GIGYF2: variants seen among roughly 807,000 people sequenced by gnomAD.
The protein encoded by GIGYF2 is GRB10-interacting GYF protein 2.
Under a neutral mutation model 208.1 loss-of-function variants are expected in GIGYF2, and 25 were observed. That is an observed-to-expected ratio of 0.12 (90% CI 0.09 to 0.17). The LOEUF (loss-of-function observed/expected upper bound fraction) is 0.17, where lower values mean the gene tolerates loss of function less well. Among genes scored for constraint, GIGYF2 ranks in the 10% least tolerant of loss-of-function variants. The pLI, the probability that GIGYF2 is intolerant of heterozygous loss-of-function variation, is 1.00. For missense variants in GIGYF2, 1,302 were observed against 1,579.4 expected, an observed-to-expected ratio of 0.82 and a Z score of 2.98; for synonymous variants, 534 against 543.8, an observed-to-expected ratio of 0.98 and a Z score of 0.25.
At chr2:232,731,996 A>G (rs1697520782) in intron 2 of GIGYF2, among the ~76,000 whole-genome samples, 1 of 152,246 alleles carries the variant, frequency 6.6e-6, no homozygotes, top group Non-Finnish European at 1.5e-5. Context: ...TTGTTAAGAT[A>G]GTCGTAAGAT....
intron 2 of GIGYF2, among the ~76,000 whole-genome samples, chr2:232,708,861 C>T (rs909517998): frequency 6.7e-6 from 1 of 148,910 alleles, no homozygotes; most frequent in African/African-American, 2.5e-5. Flanking sequence ...GTGGCTCACA[C>T]CTGTAATCCC....
At chr2:232,767,837 A>T in intron 8 of GIGYF2, 1 of 267,812 alleles carries the variant, frequency 3.7e-6, no homozygotes, top group Admixed American at 5.1e-5. Flanking sequence ...GATGAAAATG[A>T]GAGATTAATG....
intron 28 of GIGYF2, 93 bp downstream of exon 28, chr2:232,850,502 A>T (rs1319912591): frequency 8.4e-7 from 1 of 1,186,262 alleles, no homozygotes; most frequent in Admixed American, 1.9e-5. Context: ...GTTTTTCAAG[A>T]AGGGAAATAT....
In GIGYF2 at chr2:232,781,287, TACACAC is replaced by T. The variant is rs3062047; in HGVS notation, c.533-5833_533-5828del. On this transcript the variant is annotated intron_variant, in intron 8 of 28. Transcript: ENST00000373563. ...TATTTATTTTAAATTATATCAGGAA[TACACAC>T]ACACACACACACACACACACACACA... 4.7e-4 allele frequency among the ~76,000 whole-genome samples: 60 copies of T among 127,122 alleles called. No individual in the cohort carries two copies. The South Asian group carries it at 7.6e-3, about 16-fold the overall frequency. The allele number at this position is 127,122 out of a possible 152,430, so 83.4% of individuals were successfully genotyped here. A position where few individuals can be genotyped will look rare whatever the true frequency, so the allele number is the denominator to read the frequency against.
chr2:232,742,467 G>A (rs1194527144), intron 3 of GIGYF2, among the ~76,000 whole-genome samples: 6 of 152,164 alleles, frequency 3.9e-5, no homozygotes, highest in African/African-American at 1.4e-4. Flanking sequence ...CTTAAACCTG[G>A]GAGGTGGAGG....
At chr2:232,709,012 C>T (rs550637389) in intron 2 of GIGYF2, among the ~76,000 whole-genome samples, 2 of 152,012 alleles carry the variant, frequency 1.3e-5, no homozygotes, top group Non-Finnish European at 2.9e-5. Flanking sequence ...ATCCCAGCTA[C>T]GCGGGAGGCT....
At chr2:232,824,201 A>G (rs1328936654) in intron 21 of GIGYF2, among the ~76,000 whole-genome samples, 1 of 152,182 alleles carries the variant, frequency 6.6e-6, no homozygotes, top group Non-Finnish European at 1.5e-5. Flanking sequence ...AATGGCCTCT[A>G]AGGGTTCAAG....
At position 232,738,788 on chromosome 2, in the gene GIGYF2, A is replaced by C. The variant is rs1275773940; in HGVS notation, c.41+3550A>C. Among the ~76,000 whole-genome samples the C allele has an allele frequency of 2.0e-5, 3 of 152,254 alleles. No homozygotes were observed. In the East Asian group the frequency reaches 5.8e-4, roughly 29 times the overall value. On this transcript the variant is annotated intron_variant, in intron 3 of 28. Transcript: ENST00000373563. ...ATCACTGATCATTTTATTTGGATTA[A>C]TTTCTTGGAAGTGGAATTATTAAAT...
At chr2:232,821,864 C>T (rs1176662122) in intron 21 of GIGYF2, among the ~76,000 whole-genome samples, 1 of 151,394 alleles carries the variant, frequency 6.6e-6, no homozygotes, top group African/African-American at 2.4e-5. Context: ...TGGGTTGTTC[C>T]AGTGCCTGTT....
intron 15 of GIGYF2, among the ~76,000 whole-genome samples, chr2:232,808,665 A>G (rs947006138): frequency 2.6e-5 from 4 of 152,210 alleles, no homozygotes; most frequent in East Asian, 1.9e-4. Context: ...TAATCAATAT[A>G]TAATAAAGAT....
Position 232,798,600 on chromosome 2 carries a change from C to T in GIGYF2, c.1639+2379C>T, listed in dbSNP as rs538393325. On this transcript the variant is annotated intron_variant, in intron 14 of 28. Coordinates refer to ENST00000373563, the MANE Select transcript of GIGYF2 (RefSeq NM_001103146.3). Reference sequence around the variant, plus strand: ...TGTTTTTGCTATTTTTCTGTTTTAACCATTCTGAGAGGTGTGTAGTGATAC... The same window carrying T: ...TGTTTTTGCTATTTTTCTGTTTTAATCATTCTGAGAGGTGTGTAGTGATAC... Among the ~76,000 whole-genome samples, 112 of 152,232 alleles carry T rather than the reference C, an allele frequency of 7.4e-4. 1 individual carries two copies. Among genetic ancestry groups the T allele is most frequent in the Middle Eastern group, 3.4e-3 (1 of 294 alleles).
chr2:232,852,785 C>CT (rs1357252473), intron 28 of GIGYF2, among the ~76,000 whole-genome samples: 1 of 152,152 alleles, frequency 6.6e-6, no homozygotes, highest in Non-Finnish European at 1.5e-5. Flanking sequence ...TGGGTTCTAG[C>CT]TAAGAAGCTT....
In GIGYF2 at chr2:232,738,370, T is replaced by C. The variant is rs541194148; in HGVS notation, c.41+3132T>C. On this transcript the variant is annotated intron_variant, in intron 3 of 28. Coordinates refer to ENST00000373563, the MANE Select transcript of GIGYF2 (RefSeq NM_001103146.3). ...ATCCTGTCTACATATAAAGCAATAG[T>C]GTCTTTCTTTAAGCCTTTCCTCAAA... Among the ~76,000 whole-genome samples the C allele has an allele frequency of 1.6e-4, 24 of 152,332 alleles. No individual in the cohort carries two copies. The South Asian group carries it at 5.0e-3, about 32-fold the overall frequency.
In GIGYF2 at chr2:232,855,340, G is replaced by A. The variant is rs375818611; in HGVS notation, c.3833-1453G>A. Among the ~76,000 whole-genome samples the A allele has an allele frequency of 7.5e-4, 114 of 152,184 alleles. 1 individual carries two copies. In the South Asian group the frequency reaches 0.014, roughly 19 times the overall value. ...TGGCCTCAAGTAATCCACCCACCTC[G>A]GCCTCCAGTGTGCCCAGCCAGCATT... On this transcript the variant is annotated intron_variant, in intron 28 of 28. Transcript: ENST00000373563.
At chr2:232,730,611 A>AAG (rs1312516023) in intron 2 of GIGYF2, among the ~76,000 whole-genome samples, 1 of 134,828 alleles carries the variant, frequency 7.4e-6, no homozygotes, top group Non-Finnish European at 1.6e-5. Flanking sequence ...TCTTAAAAAA[A>AAG]AAAAAGGCCG....
chr2:232,718,389 G>A (rs191950649), intron 2 of GIGYF2, among the ~76,000 whole-genome samples: 9 of 152,230 alleles, frequency 5.9e-5, no homozygotes, highest in Middle Eastern at 3.4e-3. Flanking sequence ...ATGAGCCACC[G>A]CACCTGACTA....
chr2:232,801,037 C>T (rs991055451), intron 14 of GIGYF2, among the ~76,000 whole-genome samples: 1 of 151,986 alleles, frequency 6.6e-6, no homozygotes, highest in South Asian at 2.1e-4. Flanking sequence ...GCCATTGCGC[C>T]GAGCCAAGAG....
At chr2:232,730,032 TACCAACGAAGGG>T (rs1397889542) in intron 2 of GIGYF2, 5 of 835,182 alleles carry the variant, frequency 6.0e-6, no homozygotes, top group African/African-American at 5.0e-5. Flanking sequence ...GATGTGATTA[TACCAACGAAGGG>T]CATAACACAA....
intron 8 of GIGYF2, among the ~76,000 whole-genome samples, chr2:232,775,861 G>A (rs1210494519): frequency 1.3e-5 from 2 of 152,134 alleles, no homozygotes; most frequent in Non-Finnish European, 2.9e-5. Context: ...TATATTGAAA[G>A]TCTTATAATG....
Sources: gnomAD v4.1 joint callset for allele counts (sites outside exome capture counted in the v4.1 genomes callset) on GRCh38, gnomAD v4.1.1 for gene constraint, MANE v1.5 for transcripts, NCBI Gene and HGNC (gene_info 2026-07-23, HGNC 2026-07-21) for gene names.